Variants in EGR3 observed in about 807,000 individuals in gnomAD.
EGR3 encodes early growth response protein 3.
A neutral mutation model predicts 22.4 loss-of-function variants in EGR3; 4 were observed. That is an observed-to-expected ratio of 0.18 (90% CI 0.09 to 0.41). The LOEUF is 0.41. Among genes scored for constraint, EGR3 ranks in the 10% least tolerant of loss-of-function variants. The pLI is 1.00. For missense variants in EGR3, 315 were observed against 541.3 expected (o/e 0.58, Z 4.15); for synonymous variants, 219 against 226.8 (o/e 0.97, Z 0.31).
Position 22,689,182 on chromosome 8 carries a change from G to C in EGR3, c.*1291C>G, listed in dbSNP as rs185972417. 6.6e-6 allele frequency: 1 copy of C among 152,376 alleles called. No homozygotes were observed. The highest frequency in any genetic ancestry group is 1.5e-5 in the Non-Finnish European group (1 of 68,020). 9.4% of individuals were successfully genotyped at this position (152,376 alleles called of 1,614,324 possible). On this transcript the variant is annotated 3_prime_UTR_variant, in exon 2 of 2. Transcript: ENST00000317216. ...TACGCCTACAAATTCTCTTTATTCCGGTGCACTGCACTGGATAACCAAGTA... is the reference window on the plus strand; with the variant it reads ...TACGCCTACAAATTCTCTTTATTCCCGTGCACTGCACTGGATAACCAAGTA...
intron 1 of EGR3, 117 bp from the exon 2 acceptor site, chr8:22,691,599 T>G (rs977801151): frequency 2.1e-5 from 31 of 1,473,484 alleles, no homozygotes; most frequent in Non-Finnish European, 2.8e-5. Context: ...GCGTAGCGCA[T>G]GGGGTAAGAG....
rs1319437171 is a variant in EGR3, at chr8:22,689,933, T to TCA, written c.*538_*539dup. On this transcript the variant is annotated 3_prime_UTR_variant, in exon 2 of 2. Coordinates refer to ENST00000317216, the MANE Select transcript of EGR3 (RefSeq NM_004430.3). ...CTTGCGCGCGCGCACACACACACAC[T>TCA]CACACACACACATACACACACACGC... The TCA allele has an allele frequency of 5.8e-5, 9 of 155,390 alleles. No individual in the cohort carries two copies. The South Asian group carries it at 9.9e-4, about 17-fold the overall frequency. The allele number at this position is 155,390 out of a possible 1,614,324, so 9.6% of individuals were successfully genotyped here. A position where few individuals can be genotyped will look rare whatever the true frequency, so the allele number is the denominator to read the frequency against.
chr8:22,691,881 C>T (rs953158449), intron 1 of EGR3: 44 of 985,412 alleles, frequency 4.5e-5, no homozygotes, highest in Non-Finnish European at 5.2e-5. Flanking sequence ...TCGGCCTCTT[C>T]CCTTGGCCCT....
At position 22,690,513 on chromosome 8, in the gene EGR3, G is replaced by A. The variant is rs1803910507; in HGVS notation, c.1124C>T (p.Pro375Leu). ...GACCACGGGGGCCAGCGACACGGGG[G>A]GCGCCGAGGATGCAGAGGGTGCACC... ...KGGAPSASSA[P>L]PVSLAPVVTT... is the part of the protein sequence containing the mutation. Residue 375 changes from proline (P) to leucine (L), a missense_variant, in exon 2 of 2, where the codon CCC becomes CTC. Physicochemically the swap from Pro to Leu is moderately conservative, Grantham distance 98. This residue lies in a region of EGR3 where 38 missense variants were observed against 37.5 expected (regional missense o/e 1.01). Coordinates refer to ENST00000317216, the MANE Select transcript of EGR3 (RefSeq NM_004430.3). 1.9e-6 allele frequency: 3 copies of A among 1,610,050 alleles called. No homozygotes were observed. Among genetic ancestry groups the A allele is most frequent in the African/African-American group, 1.3e-5 (1 of 75,014 alleles).
At position 22,690,376 on chromosome 8, in the gene EGR3, G is replaced by T; in HGVS notation, c.*97C>A. Reference sequence around the variant, plus strand: ...CGCACGTCCATGGAGAGGCCAGGGCGCGGCCCCTACGCCTCCGTGGCTGGC... The same window carrying T: ...CGCACGTCCATGGAGAGGCCAGGGCTCGGCCCCTACGCCTCCGTGGCTGGC... On this transcript the variant is annotated 3_prime_UTR_variant, in exon 2 of 2. Coordinates refer to ENST00000317216, the MANE Select transcript of EGR3 (RefSeq NM_004430.3). The T allele has an allele frequency of 9.7e-7, 1 of 1,026,362 alleles. No homozygotes were observed. The highest frequency in any genetic ancestry group is 1.4e-6 in the Non-Finnish European group (1 of 717,128). 63.6% of individuals were successfully genotyped at this position (1,026,362 alleles called of 1,614,324 possible).
At chr8:22,691,539 C>A in intron 1 of EGR3, 57 bp from the exon 2 acceptor site, 1 of 1,582,170 alleles carries the variant, frequency 6.3e-7, no homozygotes, top group South Asian at 1.1e-5. Flanking sequence ...GGCTCCGGGC[C>A]GCGGCGCCCA....
rs868505708 is a variant in EGR3 at position 22,692,170 on chromosome 8, C to T, written c.154+621G>A. ...CTCCATGGCGGGAGAGGCCGCCCTT[C>T]CCCAGCTCCCCGGCCCCGGGATCGT... On this transcript the variant is annotated intron_variant, in intron 1 of 1. Coordinates refer to ENST00000317216, the MANE Select transcript of EGR3 (RefSeq NM_004430.3). The surrounding 1 kb of genome is among the most constrained non-coding windows in gnomAD (Gnocchi z 6.2). 37 of 1,378,646 alleles carry T rather than the reference C, an allele frequency of 2.7e-5. No homozygotes were observed. In the Middle Eastern group the frequency reaches 1.0e-3, roughly 38 times the overall value. The allele number at this position is 1,378,646 out of a possible 1,614,324, so 85.4% of individuals were successfully genotyped here.
chr8:22,691,980 C>T, intron 1 of EGR3: 1 of 1,267,692 alleles, frequency 7.9e-7, no homozygotes, highest in Non-Finnish European at 9.9e-7. Context: ...CGCTCCGACG[C>T]TTTGTCCTCG....
rs1319333786 is a variant in EGR3 at position 22,690,667 on chromosome 8, T to C, written c.970A>G (p.Ile324Val). 3 of 1,613,914 alleles carry C rather than the reference T, an allele frequency of 1.9e-6. No homozygotes were observed. The highest frequency in any genetic ancestry group is 2.2e-5 in the East Asian group (1 of 44,886). ...GGCTTCTCGCCCGTATGAGTGCGGA[T>C]GTGAGTGGTGAGGTGGTCGCTGCGG... ...FSRSDHLTTHIRTHTGEKPFA... is the reference protein window; with the variant it reads ...FSRSDHLTTHVRTHTGEKPFA... Residue 324 changes from isoleucine (I) to valine (V), a missense_variant, in exon 2 of 2, where the codon ATC becomes GTC. Ile to Val is a conservative substitution (Grantham distance 29). Transcript: ENST00000317216.
chr8:22,689,809 C>T lies in EGR3; in HGVS notation c.*664G>A, dbSNP rs976075923. On this transcript the variant is annotated 3_prime_UTR_variant, in exon 2 of 2. Coordinates refer to ENST00000317216, the MANE Select transcript of EGR3 (RefSeq NM_004430.3). ...CACCTCCTCCAGCCACGTGCGGACC[C>T]CCAGCATGGGACATCTCCCAGCGGC... 3 of 152,812 alleles carry T rather than the reference C, an allele frequency of 2.0e-5. No homozygotes were observed. Among genetic ancestry groups the T allele is most frequent in the African/African-American group, 2.4e-5 (1 of 41,462 alleles). The allele number at this position is 152,812 out of a possible 1,614,324, so 9.5% of individuals were successfully genotyped here. A position where few individuals can be genotyped will look rare whatever the true frequency, so the allele number is the denominator to read the frequency against.
At position 22,691,151 on chromosome 8, in the gene EGR3, G is replaced by T; in HGVS notation, c.486C>A (p.Asp162Glu). Residue 162 changes from aspartate to glutamate, a missense_variant, in exon 2 of 2, where the codon GAC (aspartate) becomes GAA (glutamate). Around this residue, in one of 4 missense-constraint regions of EGR3, gnomAD observed 227 missense variants for 303.6 expected, o/e 0.75. Transcript: ENST00000317216. ...DLYSEPVSFHDPQGNPGLAYS... is the reference protein window; with the variant it reads ...DLYSEPVSFHEPQGNPGLAYS... ...AGGCGAGCCCGGGATTGCCCTGGGGGTCGTGGAAAGACACGGGCTCTGAGT... is the reference window on the plus strand; with the variant it reads ...AGGCGAGCCCGGGATTGCCCTGGGGTTCGTGGAAAGACACGGGCTCTGAGT... 1 of 1,614,112 alleles carries T rather than the reference G, an allele frequency of 6.2e-7. No homozygotes were observed. Among genetic ancestry groups the T allele is most frequent in the East Asian group, 2.2e-5 (1 of 44,874 alleles).
In EGR3 at chr8:22,693,034, G is replaced by C; in HGVS notation, c.-90C>G. On this transcript the variant is annotated 5_prime_UTR_variant, in exon 1 of 2. Transcript: ENST00000317216. ...CTTCCAGGCAAGCGGCATCCGAGAGGCGATCCGTGGTGCAGGGGAAAAGCA... is the reference window on the plus strand; with the variant it reads ...CTTCCAGGCAAGCGGCATCCGAGAGCCGATCCGTGGTGCAGGGGAAAAGCA... The C allele has an allele frequency of 3.3e-6, 5 of 1,510,360 alleles. No homozygotes were observed. Among genetic ancestry groups the C allele is most frequent in the Non-Finnish European group, 4.4e-6 (5 of 1,131,642 alleles). 93.6% of individuals were successfully genotyped at this position (1,510,360 alleles called of 1,614,324 possible).
Position 22,693,192 on chromosome 8 carries a change from G to A in EGR3, c.-248C>T, listed in dbSNP as rs1804028091. On this transcript the variant is annotated 5_prime_UTR_variant, in exon 1 of 2. Transcript: ENST00000317216. ...TCCTCTTGGGTGCCTCAGCTGGTGC[G>A]GTATGAGGCTGGGTCGTGGGGGGGG... 1 of 278,696 alleles carries A rather than the reference G, an allele frequency of 3.6e-6. No individual in the cohort carries two copies. Among genetic ancestry groups the A allele is most frequent in the Admixed American group, 4.5e-5 (1 of 22,064 alleles). 17.3% of individuals were successfully genotyped at this position (278,696 alleles called of 1,614,324 possible). A position where few individuals can be genotyped will look rare whatever the true frequency, so the allele number is the denominator to read the frequency against.
At position 22,690,386 on chromosome 8, in the gene EGR3, C is replaced by A. The variant is rs537313070; in HGVS notation, c.*87G>T. On this transcript the variant is annotated 3_prime_UTR_variant, in exon 2 of 2. Transcript: ENST00000317216. ...TGGAGAGGCCAGGGCGCGGCCCCTA[C>A]GCCTCCGTGGCTGGCTTTCCCGCTG... The A allele has an allele frequency of 5.0e-5, 58 of 1,170,622 alleles. No individual in the cohort carries two copies. The highest frequency in any genetic ancestry group is 2.9e-4 in the Middle Eastern group (1 of 3,478). The allele number at this position is 1,170,622 out of a possible 1,614,324, so 72.5% of individuals were successfully genotyped here. A position where few individuals can be genotyped will look rare whatever the true frequency, so the allele number is the denominator to read the frequency against.
chr8:22,690,528 G>C lies in EGR3; in HGVS notation c.1109C>G (p.Ser370Cys). Residue 370 changes from serine (S) to cysteine (C), a missense_variant, in exon 2 of 2, where the codon TCT becomes TGT. This residue lies in a region of EGR3 where 38 missense variants were observed against 37.5 expected (regional missense o/e 1.01). Transcript: ENST00000317216. ...EKKAEKGGAP[S>C]ASSAPPVSLA... is the part of the protein sequence containing the mutation. ...CGACACGGGGGGCGCCGAGGATGCAGAGGGTGCACCGCCCTTCTCCGCCTT... is the reference window on the plus strand; with the variant it reads ...CGACACGGGGGGCGCCGAGGATGCACAGGGTGCACCGCCCTTCTCCGCCTT... The C allele has an allele frequency of 6.2e-7, 1 of 1,612,840 alleles. No individual in the cohort carries two copies. The highest frequency in any genetic ancestry group is 8.5e-7 in the Non-Finnish European group (1 of 1,179,632).
At chr8:22,691,531 C>T (rs1463688230) in intron 1 of EGR3, 49 bp from the exon 2 acceptor site, 3 of 1,589,768 alleles carry the variant, frequency 1.9e-6, no homozygotes, top group East Asian at 2.2e-5. Flanking sequence ...GCCGATCCGG[C>T]TCCGGGCCGC....
Position 22,691,376 on chromosome 8 carries a change from T to C in EGR3, c.261A>G (p.Gly87=). Reference sequence around the variant, plus strand: ...TGGAAGGGGAGTCGAAGGCGAACTTTCCCAAGTAGGTCACGGTCTTGTTGC... The same window carrying C: ...TGGAAGGGGAGTCGAAGGCGAACTTCCCCAAGTAGGTCACGGTCTTGTTGC... ...APGNKTVTYL[G]KFAFDSPSNW... Residue 87 remains glycine (G), a synonymous_variant, in exon 2 of 2, where the codon GGA becomes GGG. Transcript: ENST00000317216. 6.2e-7 allele frequency: 1 copy of C among 1,613,958 alleles called. No homozygotes were observed. Among genetic ancestry groups the C allele is most frequent in the Non-Finnish European group, 8.5e-7 (1 of 1,179,984 alleles).
chr8:22,692,039 C>T lies in EGR3; in HGVS notation c.155-557G>A, dbSNP rs1803985913. 3 of 1,311,140 alleles carry T rather than the reference C, an allele frequency of 2.3e-6. No homozygotes were observed. The African/African-American group carries it at 4.6e-5, about 20-fold the overall frequency. 81.2% of individuals were successfully genotyped at this position (1,311,140 alleles called of 1,614,324 possible). A position where few individuals can be genotyped will look rare whatever the true frequency, so the allele number is the denominator to read the frequency against. ...AAAGGGAGCTCTCCCTTCACCTACC[C>T]CGGCCCCAGCCTCCTCGGGCATGAA... On this transcript the variant is annotated intron_variant, in intron 1 of 1. Coordinates refer to ENST00000317216, the MANE Select transcript of EGR3 (RefSeq NM_004430.3). This position sits in a 1 kb window ranked among gnomAD's most constrained non-coding sequence, Gnocchi z 6.2.
Position 22,690,324 on chromosome 8 carries a change from G to C in EGR3, c.*149C>G. The C allele has an allele frequency of 4.5e-6, 3 of 673,424 alleles. No homozygotes were observed. Among genetic ancestry groups the C allele is most frequent in the East Asian group, 2.8e-5 (1 of 36,218 alleles). The allele number at this position is 673,424 out of a possible 1,614,324, so 41.7% of individuals were successfully genotyped here. On this transcript the variant is annotated 3_prime_UTR_variant, in exon 2 of 2. Coordinates refer to ENST00000317216, the MANE Select transcript of EGR3 (RefSeq NM_004430.3). Reference sequence around the variant, plus strand: ...TGGCCGGCGTGAAAGGTTGGGAACCGGGGGCATCGAAGGGGAAGCAAGGGG... The same window carrying C: ...TGGCCGGCGTGAAAGGTTGGGAACCCGGGGCATCGAAGGGGAAGCAAGGGG...
Sources: gnomAD v4.1 joint callset for allele counts on GRCh38, gnomAD v4.1.1 for gene constraint, gnomAD v4.1.1 regional missense constraint, Gnocchi (gnomAD v3.1) non-coding constraint, MANE v1.5 for transcripts, NCBI Gene and HGNC (gene_info 2026-07-23, HGNC 2026-07-21) for gene names.